ROBO2: variants seen among roughly 807,000 people sequenced by gnomAD.
ROBO2 encodes roundabout guidance receptor 2.
A neutral mutation model predicts 160.8 loss-of-function variants in ROBO2; 53 were observed. The ratio of observed to expected loss-of-function variants is 0.33; its 90% CI spans 0.26 to 0.41. ROBO2 has a LOEUF of 0.41. Among genes scored for constraint, ROBO2 ranks in the 10% least tolerant of loss-of-function variants. The pLI is 1.00. For missense variants in ROBO2, 1,577 were observed against 1,722.4 expected (o/e 0.92, Z 1.49); for synonymous variants, 664 against 611.7 (o/e 1.09, Z -1.26).
At chr3:76,747,838 A>G (rs2093918847) in intron 2 of ROBO2, among the ~76,000 whole-genome samples, 1 of 152,062 alleles carries the variant, frequency 6.6e-6, no homozygotes, top group South Asian at 2.1e-4. Flanking sequence ...ACTGAAACAT[A>G]CTTACATCTA....
rs532647500 is a variant in ROBO2 at position 77,544,381 on chromosome 3, G to T, written c.935-1957G>T. Among the ~76,000 whole-genome samples the T allele has an allele frequency of 7.4e-4, 113 of 151,922 alleles. 1 individual carries two copies. Among genetic ancestry groups the T allele is most frequent in the Admixed American group, 2.3e-3 (35 of 15,254 alleles). ...CTGTTCAAACAGATTCATAAATCTG[G>T]GTTTTCCATACTGCTAGAATGAGTC... On this transcript the variant is annotated intron_variant, in intron 6 of 25. Transcript: ENST00000461745.
At chr3:76,308,470 T>TG (rs2071428062) in intron 2 of ROBO2, among the ~76,000 whole-genome samples, 1 of 152,000 alleles carries the variant, frequency 6.6e-6, no homozygotes, top group Admixed American at 6.6e-5. Flanking sequence ...AATGAGTTGA[T>TG]GAATGCAAAG....
At chr3:76,962,460 G>A (rs1190275474) in intron 2 of ROBO2, among the ~76,000 whole-genome samples, 2 of 151,872 alleles carry the variant, frequency 1.3e-5, no homozygotes, top group Non-Finnish European at 1.5e-5. Flanking sequence ...CCAACATGGA[G>A]AAAGCCCGTT....
Position 76,807,126 on chromosome 3 carries a change from G to A in ROBO2, c.110-290888G>A, listed in dbSNP as rs117565915. On this transcript the variant is annotated intron_variant, in intron 2 of 26. Coordinates refer to the ROBO2 transcript ENST00000487694. ...TTCTAAAGTGTTAGTCTTGTACATG[G>A]TATGTGTGAAATAGTTTTATATACT... is the stretch of plus-strand genomic sequence containing the variant. Among the ~76,000 whole-genome samples the A allele has an allele frequency of 5.3e-5, 8 of 152,114 alleles. No homozygotes were observed. In the East Asian group the frequency reaches 1.5e-3, roughly 29 times the overall value.
intron 2 of ROBO2, among the ~76,000 whole-genome samples, chr3:76,376,772 C>T (rs989870137): frequency 2.0e-5 from 3 of 152,092 alleles, no homozygotes; most frequent in Non-Finnish European, 2.9e-5. Context: ...GTTGATTTGG[C>T]AGAGTCTAAT....
intron 2 of ROBO2, among the ~76,000 whole-genome samples, chr3:75,999,406 G>A (rs1396716904): frequency 1.3e-5 from 2 of 152,032 alleles, no homozygotes; most frequent in Admixed American, 1.3e-4. Flanking sequence ...AACAGTTTTA[G>A]GTTCACAGCA....
At chr3:76,233,547 C>T (rs1486546843) in intron 2 of ROBO2, among the ~76,000 whole-genome samples, 1 of 152,178 alleles carries the variant, frequency 6.6e-6, no homozygotes, top group Non-Finnish European at 1.5e-5. Flanking sequence ...AGCCTGTGCA[C>T]ATGCTTCAGT....
At chr3:76,099,614 T>G (rs2069597289) in intron 2 of ROBO2, among the ~76,000 whole-genome samples, 1 of 152,222 alleles carries the variant, frequency 6.6e-6, no homozygotes, top group African/African-American at 2.4e-5. Flanking sequence ...AACCTAACTT[T>G]CATAAACTCT....
intron 2 of ROBO2, among the ~76,000 whole-genome samples, chr3:76,770,443 T>C (rs570370483): frequency 6.6e-6 from 1 of 151,404 alleles, no homozygotes; most frequent in Admixed American, 6.6e-5. Flanking sequence ...AAGAAACACC[T>C]GGCACACTTC....
At chr3:76,691,729 T>G (rs155469) in intron 2 of ROBO2, among the ~76,000 whole-genome samples, 1 of 151,898 alleles carries the variant, frequency 6.6e-6, no homozygotes, top group Non-Finnish European at 1.5e-5. Flanking sequence ...CAGAGTGACT[T>G]GCAGGTTGAA....
chr3:77,544,416 T>A (rs1174129340), intron 6 of ROBO2, among the ~76,000 whole-genome samples: 1 of 152,172 alleles, frequency 6.6e-6, no homozygotes, highest in Non-Finnish European at 1.5e-5. Context: ...CTTCTGTTAA[T>A]CTATAGTTAT....
intron 2 of ROBO2, among the ~76,000 whole-genome samples, chr3:76,611,146 T>A (rs1441999498): frequency 6.6e-6 from 1 of 151,884 alleles, no homozygotes; most frequent in Non-Finnish European, 1.5e-5. Context: ...AGAGAGAGGG[T>A]AGGACGGGGT....
At chr3:77,574,064 G>T (rs892024000) in intron 13 of ROBO2, among the ~76,000 whole-genome samples, 1 of 151,922 alleles carries the variant, frequency 6.6e-6, no homozygotes, top group Non-Finnish European at 1.5e-5. Flanking sequence ...TTAGTGAATA[G>T]ACAAAGAATG....
intron 2 of ROBO2, among the ~76,000 whole-genome samples, chr3:76,502,947 T>G (rs2080551481): frequency 6.6e-6 from 1 of 152,086 alleles, no homozygotes; most frequent in Admixed American, 6.6e-5. Context: ...GGAACAACCA[T>G]GTAGTAGTCA....
chr3:77,417,282 G>A (rs768156089), intron 2 of ROBO2, among the ~76,000 whole-genome samples: 2 of 150,910 alleles, frequency 1.3e-5, no homozygotes, highest in Admixed American at 6.6e-5. Flanking sequence ...TACAAGATGG[G>A]CCAGACATAC....
intron 2 of ROBO2, among the ~76,000 whole-genome samples, chr3:76,939,971 G>T (rs2078047644): frequency 7.1e-6 from 1 of 140,088 alleles, no homozygotes; most frequent in South Asian, 2.3e-4. Flanking sequence ...GAAGGACAAA[G>T]CAACAGGATT....
intron 2 of ROBO2, among the ~76,000 whole-genome samples, chr3:76,834,974 G>T (rs2067549393): frequency 1.3e-5 from 2 of 152,002 alleles, no homozygotes; most frequent in South Asian, 4.1e-4. Context: ...ATTCAACTAA[G>T]TCTATGCTTT....
intron 2 of ROBO2, among the ~76,000 whole-genome samples, chr3:76,693,326 T>C (rs781594518): frequency 1.5e-4 from 22 of 150,940 alleles, no homozygotes; most frequent in Non-Finnish European, 2.7e-4. Flanking sequence ...ATAGTGTACA[T>C]ACACATATCC....
intron 2 of ROBO2, among the ~76,000 whole-genome samples, chr3:76,630,992 G>A (rs1231291655): frequency 6.6e-6 from 1 of 152,124 alleles, no homozygotes; most frequent in Non-Finnish European, 1.5e-5. Context: ...ACCATCCAGA[G>A]TGCATGTGTG....
Sources: allele counts gnomAD v4.1 joint callset (sites outside exome capture counted in the v4.1 genomes callset), GRCh38; gene constraint gnomAD v4.1.1; transcripts MANE v1.5; gene names NCBI Gene and HGNC (gene_info 2026-07-23, HGNC 2026-07-21).